The following PLCB1 variants were observed in gnomAD, a reference collection of about 807,000 sequenced individuals.
PLCB1 encodes the protein 1-phosphatidylinositol 4,5-bisphosphate phosphodiesterase beta-1.
In PLCB1, 46 loss-of-function variants were observed where a neutral mutation model predicts 161.8. The ratio of observed to expected loss-of-function variants is 0.28; its 90% confidence interval spans 0.22 to 0.36. PLCB1 has a LOEUF of 0.36. Among genes scored for constraint, PLCB1 ranks in the 10% least tolerant of loss-of-function variants. The pLI, the probability that PLCB1 is intolerant of heterozygous loss-of-function variation, is 1.00. For missense variants in PLCB1, 1,016 were observed against 1,472.5 expected (o/e 0.69, Z 5.07); for synonymous variants, 517 against 503.7 (o/e 1.03, Z -0.35).
intron 2 of PLCB1, among the ~76,000 whole-genome samples, chr20:8,331,014 C>G (rs1309821986): frequency 6.6e-6 from 1 of 152,180 alleles, no homozygotes; most frequent in Non-Finnish European, 1.5e-5. Context: ...AAGTCAAAAA[C>G]AGTGGACTAG....
chr20:8,345,337 T>C (rs1985964195), intron 2 of PLCB1, among the ~76,000 whole-genome samples: 1 of 152,118 alleles, frequency 6.6e-6, no homozygotes. Context: ...AAGCCGGGGG[T>C]TTAGAACATT....
chr20:8,540,520 C>G (rs1732787270), intron 3 of PLCB1, among the ~76,000 whole-genome samples: 1 of 152,148 alleles, frequency 6.6e-6, no homozygotes, highest in Admixed American at 6.5e-5. Context: ...AAAGTCTGCC[C>G]CTTGTGCCTG....
chr20:8,379,721 CAT>C (rs2122380704), intron 3 of PLCB1, among the ~76,000 whole-genome samples: 1 of 152,264 alleles, frequency 6.6e-6, no homozygotes, highest in Admixed American at 6.5e-5. Context: ...AGCTTTTTTT[CAT>C]ATGTTTCTTG....
chr20:8,242,680 A>C (rs920068813), intron 2 of PLCB1, among the ~76,000 whole-genome samples: 1 of 152,012 alleles, frequency 6.6e-6, no homozygotes, highest in African/African-American at 2.4e-5. Context: ...GCAATTGCTG[A>C]GGATGCAAGA....
At chr20:8,802,073 A>G (rs749989481) in intron 31 of PLCB1, 2 of 1,608,652 alleles carry the variant, frequency 1.2e-6, no homozygotes, top group Admixed American at 3.3e-5. Flanking sequence ...GTTCCTCCTC[A>G]TTCTTGTCGG....
intron 3 of PLCB1, among the ~76,000 whole-genome samples, chr20:8,582,803 C>A (rs1281537361): frequency 6.6e-6 from 1 of 152,080 alleles, no homozygotes; most frequent in Admixed American, 6.6e-5. Context: ...GCCTGGCCCA[C>A]ATGGTGAGAC....
At position 8,414,303 on chromosome 20, in the gene PLCB1, A is replaced by T. The variant is rs544346131; in HGVS notation, c.246+42853A>T. Among the ~76,000 whole-genome samples, 4 of 152,324 alleles carry T rather than the reference A, an allele frequency of 2.6e-5. No individual in the cohort carries two copies. In the East Asian group the frequency reaches 7.7e-4, roughly 29 times the overall value. On this transcript the variant is annotated intron_variant, in intron 3 of 31. Transcript: ENST00000338037. ...TAAGGAAAGAGGACATATAAGCCAT[A>T]TCAAATTTAATGTAATTGCCCCACA...
Position 8,544,471 on chromosome 20 carries a change from G to A in PLCB1, c.247-83823G>A, listed in dbSNP as rs188888724. On this transcript the variant is annotated intron_variant, in intron 3 of 31. Transcript: ENST00000338037. ...TGTGACCTTGGACAAGTCATGTATTGTTCTTGGGAATACAATTTTCTTCTC... is the reference window on the plus strand; with the variant it reads ...TGTGACCTTGGACAAGTCATGTATTATTCTTGGGAATACAATTTTCTTCTC... 5.5e-4 allele frequency among the ~76,000 whole-genome samples: 83 copies of A among 152,286 alleles called. 1 individual carries two copies. The highest frequency in any genetic ancestry group is 1.9e-3 in the African/African-American group (78 of 41,560).
At chr20:8,781,022 G>A (rs1220379958) in intron 27 of PLCB1, among the ~76,000 whole-genome samples, 1 of 152,174 alleles carries the variant, frequency 6.6e-6, no homozygotes, top group East Asian at 1.9e-4. Context: ...CAGCTTGAGG[G>A]AACTCATTGT....
At chr20:8,834,947 T>C (rs1174569807) in intron 31 of PLCB1, among the ~76,000 whole-genome samples, 1 of 151,972 alleles carries the variant, frequency 6.6e-6, no homozygotes, top group African/African-American at 2.4e-5. Flanking sequence ...TATTCAGACC[T>C]TCAACTGGTT....
intron 9 of PLCB1, among the ~76,000 whole-genome samples, chr20:8,668,378 G>T (rs1362555308): frequency 6.6e-6 from 1 of 152,126 alleles, no homozygotes. Context: ...CCAAGCTAGG[G>T]ATAGCATTAT....
rs554251858 is a variant in PLCB1, at chr20:8,465,896, C to T, written c.246+94446C>T. On this transcript the variant is annotated intron_variant, in intron 3 of 31. Transcript: ENST00000338037. The stretch of plus-strand genomic sequence containing the variant: ...TGGTGGGACTGTAAACTAGTTCAAC[C>T]GTTGTGGAAGTCAGTGTGGCGATTC... 2.8e-3 allele frequency among the ~76,000 whole-genome samples: 416 copies of T among 150,898 alleles called. 2 individuals carry two copies. The highest frequency in any genetic ancestry group is 9.9e-3 in the African/African-American group (404 of 40,820).
intron 3 of PLCB1, among the ~76,000 whole-genome samples, chr20:8,561,987 C>G (rs1282577161): frequency 1.3e-5 from 2 of 151,992 alleles, no homozygotes; most frequent in African/African-American, 4.8e-5. Flanking sequence ...TGAACAAAGT[C>G]TAGTTAAGCT....
intron 3 of PLCB1, among the ~76,000 whole-genome samples, chr20:8,516,203 A>G (rs1168741028): frequency 6.6e-6 from 1 of 152,184 alleles, no homozygotes; most frequent in Non-Finnish European, 1.5e-5. Context: ...ACACAGCCAA[A>G]CCGTATCATC....
intron 2 of PLCB1, among the ~76,000 whole-genome samples, chr20:8,264,762 A>G (rs1171308796): frequency 1.3e-5 from 2 of 152,030 alleles, no homozygotes; most frequent in African/African-American, 2.4e-5. Context: ...TTCATCTCTT[A>G]TGCCTGATTT....
At chr20:8,483,191 T>A (rs1982579811) in intron 3 of PLCB1, among the ~76,000 whole-genome samples, 1 of 152,184 alleles carries the variant, frequency 6.6e-6, no homozygotes, top group Non-Finnish European at 1.5e-5. Context: ...CTAATTCTAT[T>A]GTAAGCACCT....
At chr20:8,334,646 G>C (rs1985501534) in intron 2 of PLCB1, among the ~76,000 whole-genome samples, 1 of 152,202 alleles carries the variant, frequency 6.6e-6, no homozygotes, top group Admixed American at 6.5e-5. Flanking sequence ...TCTAATTCAT[G>C]CCATTCCAGT....
At chr20:8,325,943 A>C (rs191559539) in intron 2 of PLCB1, among the ~76,000 whole-genome samples, 1 of 152,140 alleles carries the variant, frequency 6.6e-6, no homozygotes. Context: ...CCATTGGAAA[A>C]CTTGTTGTTT....
At chr20:8,187,392 A>G (rs2051916875) in intron 2 of PLCB1, among the ~76,000 whole-genome samples, 1 of 151,900 alleles carries the variant, frequency 6.6e-6, no homozygotes, top group Non-Finnish European at 1.5e-5. Context: ...CAAATATCCA[A>G]CCAGCCACCA....
Sources: allele counts gnomAD v4.1 joint callset (sites outside exome capture counted in the v4.1 genomes callset), GRCh38; gene constraint gnomAD v4.1.1; transcripts MANE v1.5; gene names NCBI Gene and HGNC (gene_info 2026-07-23, HGNC 2026-07-21).